Variants in ARMC9 observed in about 807,000 individuals in gnomAD.
ARMC9 encodes the protein armadillo repeat containing 9, also known as lisH domain-containing protein ARMC9.
In ARMC9, 94 loss-of-function variants were observed where a neutral mutation model predicts 107.0. The ratio of observed to expected loss-of-function variants is 0.88; its 90% confidence interval spans 0.74 to 1.04. The LOEUF (loss-of-function observed/expected upper bound fraction) is 1.04. Ranked by LOEUF, ARMC9 falls within the 50% of genes least tolerant of loss-of-function variation. The probability of loss-of-function intolerance (pLI) is 0.00; values close to 1 mark genes in which losing one functional copy is unlikely to be tolerated. For synonymous variants in ARMC9, 380 were observed against 396.9 expected (o/e 0.96, Z 0.51); for missense variants, 942 against 1,030.1 (o/e 0.91, Z 1.17).
At position 231,278,379 on chromosome 2, in the gene ARMC9, T is replaced by C. The variant is rs1387214480; in HGVS notation, c.1475-3T>C. The stretch of plus-strand genomic sequence containing the variant: ...ATGTTTAGCTTTGATTTGTTTCCCA[T>C]AGGGAAGAACATGTGTGCCAAGGTG... On this transcript the variant is annotated splice_polypyrimidine_tract_variant and splice_region_variant and intron_variant, in intron 15 of 24. Transcript: ENST00000611582. The C allele has an allele frequency of 2.5e-6, 4 of 1,613,952 alleles. No homozygotes were observed. The highest frequency in any genetic ancestry group is 1.3e-5 in the African/African-American group (1 of 74,936).
In ARMC9 at chr2:231,337,498, C is replaced by T. The variant is rs1270489400; in HGVS notation, c.1878+5601C>T. On this transcript the variant is annotated intron_variant, in intron 20 of 24. Transcript: ENST00000611582. ...TTTTTTTTTTTTTTTGAGACAGAGT[C>T]TCGCTCTGTCGCCCAGGCTGGAGTT... Among the ~76,000 whole-genome samples, 409 of 105,120 alleles carry T rather than the reference C, an allele frequency of 3.9e-3. 3 individuals are homozygous for T. The highest frequency in any genetic ancestry group is 5.1e-3 in the African/African-American group (118 of 23,210). The allele number at this position is 105,120 out of a possible 152,430, so 69.0% of individuals were successfully genotyped here.
At chr2:231,249,878 C>T (rs570756357) in intron 9 of ARMC9, among the ~76,000 whole-genome samples, 1,416 of 49,122 alleles carry the variant, frequency 0.029, 128 homozygotes, top group African/African-American at 0.19. Context: ...GACCACCGCC[C>T]ACCCGTGCAC....
chr2:231,272,672 C>T (rs1226530651), intron 13 of ARMC9, among the ~76,000 whole-genome samples: 2 of 151,908 alleles, frequency 1.3e-5, no homozygotes, highest in African/African-American at 2.4e-5. Flanking sequence ...TCTGCCACCA[C>T]ACCCAGCTAA....
intron 5 of ARMC9, among the ~76,000 whole-genome samples, chr2:231,219,876 C>G (rs1559305347): frequency 6.6e-6 from 1 of 151,832 alleles, no homozygotes; most frequent in Non-Finnish European, 1.5e-5. Flanking sequence ...TCACTCTATC[C>G]CCCAGGCTGG....
intron 7 of ARMC9, among the ~76,000 whole-genome samples, chr2:231,232,455 C>CT (rs373033096): frequency 0.075 from 10,731 of 143,834 alleles, 504 homozygotes; most frequent in Non-Finnish European, 0.11. Flanking sequence ...TGCCAGGTGA[C>CT]TTTTTTTTTT....
In ARMC9 at chr2:231,373,062, T is replaced by C. The variant is rs546688637; in HGVS notation, c.*1527T>C. The C allele has an allele frequency of 2.0e-5, 3 of 152,166 alleles. No homozygotes were observed. Among genetic ancestry groups the C allele is most frequent in the Non-Finnish European group, 2.9e-5 (2 of 68,054 alleles). The allele number at this position is 152,166 out of a possible 1,614,324, so 9.4% of individuals were successfully genotyped here. On this transcript the variant is annotated 3_prime_UTR_variant, in exon 25 of 25. Transcript: ENST00000611582. This position sits in a 1 kb window ranked among gnomAD's most constrained non-coding sequence, Gnocchi z 4.4. Reference sequence around the variant, plus strand: ...AGATGCTGTCATGTGACTGGCCTGGTGGCCACCTCTTGGTTCTCTGGAAAT... The same window carrying C: ...AGATGCTGTCATGTGACTGGCCTGGCGGCCACCTCTTGGTTCTCTGGAAAT...
At position 231,361,495 on chromosome 2, in the gene ARMC9, C is replaced by T. The variant is rs1391749627; in HGVS notation, c.2261+612C>T. Among the ~76,000 whole-genome samples, 6 of 151,350 alleles carry T rather than the reference C, an allele frequency of 4.0e-5. No individual in the cohort carries two copies. In the South Asian group the frequency reaches 6.3e-4, roughly 16 times the overall value. Reference sequence around the variant, plus strand: ...AAAAGAAAAGAAAAAACTGGACCCCCGAGCAGAAGAAAAAAAAAAATAGTG... The same window carrying T: ...AAAAGAAAAGAAAAAACTGGACCCCTGAGCAGAAGAAAAAAAAAAATAGTG... On this transcript the variant is annotated intron_variant, in intron 23 of 24. Coordinates refer to ENST00000611582, the MANE Select transcript of ARMC9 (RefSeq NM_001352754.2).
chr2:231,281,145 G>T (rs927909161), intron 16 of ARMC9, among the ~76,000 whole-genome samples: 3 of 150,006 alleles, frequency 2.0e-5, no homozygotes, highest in African/African-American at 7.3e-5. Flanking sequence ...AGGGGACATA[G>T]TGTGAATTTA....
intron 20 of ARMC9, among the ~76,000 whole-genome samples, chr2:231,337,370 T>G (rs1201632992): frequency 7.1e-6 from 1 of 140,448 alleles, no homozygotes; most frequent in Admixed American, 7.5e-5. Context: ...CAATCTTGGC[T>G]CATTGCAGCC....
intron 23 of ARMC9, among the ~76,000 whole-genome samples, chr2:231,367,912 A>G (rs897847331): frequency 1.3e-5 from 2 of 151,674 alleles, no homozygotes; most frequent in Admixed American, 6.6e-5. Flanking sequence ...CCCAGGAGGC[A>G]GAGGTTGCAA....
chr2:231,309,710 T>C (rs1405936152), intron 19 of ARMC9, among the ~76,000 whole-genome samples: 1 of 151,508 alleles, frequency 6.6e-6, no homozygotes, highest in Non-Finnish European at 1.5e-5. Context: ...CATATACCAC[T>C]TTTTACAATT....
chr2:231,234,589 A>G (rs769221453), intron 7 of ARMC9, among the ~76,000 whole-genome samples: 1 of 152,308 alleles, frequency 6.6e-6, no homozygotes, highest in South Asian at 2.1e-4. Context: ...TGAGCTCAGT[A>G]TAGAATAAAA....
rs1325245404 is a variant in ARMC9 at position 231,297,180 on chromosome 2, G to A, written c.1773+927G>A. ...CTGGGAGATGCTTCCTCAGCAGGCG[G>A]CCTCTGTGGCTGCCGTTTTCTTCAC... On this transcript the variant is annotated intron_variant, in intron 19 of 24. Transcript: ENST00000611582. This position sits in a 1 kb window ranked among gnomAD's most constrained non-coding sequence, Gnocchi z 4.2. Among the ~76,000 whole-genome samples the A allele has an allele frequency of 2.0e-5, 3 of 152,210 alleles. No individual in the cohort carries two copies. Among genetic ancestry groups the A allele is most frequent in the African/African-American group, 4.8e-5 (2 of 41,452 alleles).
chr2:231,274,175 T>G (rs1296137612), intron 14 of ARMC9, among the ~76,000 whole-genome samples: 1 of 152,192 alleles, frequency 6.6e-6, no homozygotes, highest in African/African-American at 2.4e-5. Flanking sequence ...TGGAGTGCAG[T>G]GGCGCAATCT....
At chr2:231,345,157 G>T in intron 21 of ARMC9, 67 bp downstream of exon 21, 1 of 1,565,590 alleles carries the variant, frequency 6.4e-7, no homozygotes, top group African/African-American at 1.4e-5. Flanking sequence ...AGTGTAAGAT[G>T]TATGTATTTT....
In ARMC9 at chr2:231,281,747, G is replaced by A. The variant is rs183700865; in HGVS notation, c.1552-312G>A. Among the ~76,000 whole-genome samples, 524 of 152,278 alleles carry A rather than the reference G, an allele frequency of 3.4e-3. 3 individuals carry two copies. Among genetic ancestry groups the A allele is most frequent in the Non-Finnish European group, 6.4e-3 (432 of 68,028 alleles). ...GAACAACAACAACAACAAAATCAAC[G>A]ATGACTCCAGAGTTTCTAGCCTGAG... is the stretch of plus-strand genomic sequence containing the variant. On this transcript the variant is annotated intron_variant, in intron 16 of 24. Coordinates refer to ENST00000611582, the MANE Select transcript of ARMC9 (RefSeq NM_001352754.2).
At chr2:231,279,613 C>T (rs940505102) in intron 16 of ARMC9, among the ~76,000 whole-genome samples, 4 of 149,900 alleles carry the variant, frequency 2.7e-5, no homozygotes, top group African/African-American at 7.4e-5. Context: ...CGGGTTCAAG[C>T]GATTCTCCTG....
intron 9 of ARMC9, among the ~76,000 whole-genome samples, chr2:231,243,298 A>G (rs1477803026): frequency 6.6e-6 from 1 of 151,366 alleles, no homozygotes; most frequent in Non-Finnish European, 1.5e-5. Context: ...CTGTAGCCCC[A>G]GCTACTCAGG....
At chr2:231,307,917 G>A (rs1350622838) in intron 19 of ARMC9, among the ~76,000 whole-genome samples, 2 of 152,240 alleles carry the variant, frequency 1.3e-5, no homozygotes, top group Non-Finnish European at 2.9e-5. Context: ...AAACTGCAGA[G>A]CAGGTGACAT....
Sources: allele counts gnomAD v4.1 joint callset (sites outside exome capture counted in the v4.1 genomes callset), GRCh38; gene constraint gnomAD v4.1.1; non-coding constraint Gnocchi (gnomAD v3.1); transcripts MANE v1.5; gene names NCBI Gene and HGNC (gene_info 2026-07-23, HGNC 2026-07-21).